The following FBXL7 variants were observed in gnomAD, a reference collection of about 807,000 sequenced individuals.
FBXL7 encodes F-box/LRR-repeat protein 7.
Under a neutral mutation model 38.3 loss-of-function variants are expected in FBXL7, and 12 were observed. That is an observed-to-expected ratio of 0.31 (90% CI 0.20 to 0.51). The LOEUF (loss-of-function observed/expected upper bound fraction) is 0.51. Among genes scored for constraint, FBXL7 ranks in the 20% least tolerant of loss-of-function variants. The pLI is 0.98. For synonymous variants in FBXL7, 297 were observed against 300.9 expected (o/e 0.99, Z 0.13); for missense variants, 567 against 676.4 (o/e 0.84, Z 1.79).
chr5:15,501,589 C>A, intron 1 of FBXL7: 1 of 985,492 alleles, frequency 1.0e-6, no homozygotes, highest in Non-Finnish European at 1.2e-6. Context: ...TTACAGCCCG[C>A]CCCCAGAGGA....
At chr5:15,598,344 A>G (rs1739686181) in intron 1 of FBXL7, among the ~76,000 whole-genome samples, 1 of 152,208 alleles carries the variant, frequency 6.6e-6, no homozygotes, top group Non-Finnish European at 1.5e-5. Context: ...TCAACCTTTC[A>G]TAGAGTCAGT....
intron 2 of FBXL7, among the ~76,000 whole-genome samples, chr5:15,889,444 C>A (rs1193735344): frequency 6.6e-6 from 1 of 152,128 alleles, no homozygotes; most frequent in Non-Finnish European, 1.5e-5. Flanking sequence ...TCCTATTGAA[C>A]CAAAGTGGGA....
intron 2 of FBXL7, among the ~76,000 whole-genome samples, chr5:15,874,753 G>A (rs553018760): frequency 6.6e-6 from 1 of 152,282 alleles, no homozygotes; most frequent in East Asian, 1.9e-4. Context: ...ACTGCTCAAG[G>A]AAATCAGAGA....
intron 2 of FBXL7, among the ~76,000 whole-genome samples, chr5:15,769,414 C>G (rs1561119865): frequency 6.6e-6 from 1 of 152,156 alleles, no homozygotes; most frequent in African/African-American, 2.4e-5. Flanking sequence ...ATGGAGAAAT[C>G]CTTCACTAAT....
At chr5:15,618,886 G>A (rs1481209358) in intron 2 of FBXL7, among the ~76,000 whole-genome samples, 5 of 152,258 alleles carry the variant, frequency 3.3e-5, no homozygotes, top group African/African-American at 9.6e-5. Context: ...AAAAGAAACC[G>A]AGGCAAGTTT....
At chr5:15,740,680 C>T (rs1438516453) in intron 2 of FBXL7, among the ~76,000 whole-genome samples, 2 of 151,976 alleles carry the variant, frequency 1.3e-5, no homozygotes, top group Non-Finnish European at 2.9e-5. Flanking sequence ...CCCTTAAATC[C>T]TTACCTTTTT....
rs556413889 is a variant in FBXL7, at chr5:15,636,275, A to G, written c.127+20203A>G. 2.6e-5 allele frequency among the ~76,000 whole-genome samples: 4 copies of G among 151,806 alleles called. No homozygotes were observed. The East Asian group carries it at 5.8e-4, about 22-fold the overall frequency. ...TCTGTGTCTCCCTTGTGTGCCCTCAACTCTCCTCATCTACAGCTGCATGTG... is the reference window on the plus strand; with the variant it reads ...TCTGTGTCTCCCTTGTGTGCCCTCAGCTCTCCTCATCTACAGCTGCATGTG... On this transcript the variant is annotated intron_variant, in intron 2 of 3. Coordinates refer to ENST00000504595, the MANE Select transcript of FBXL7 (RefSeq NM_012304.5).
chr5:15,876,297 T>C (rs930810171), intron 2 of FBXL7, among the ~76,000 whole-genome samples: 1 of 152,036 alleles, frequency 6.6e-6, no homozygotes, highest in Non-Finnish European at 1.5e-5. Context: ...ATACCTAATG[T>C]AGATGACGGG....
chr5:15,883,320 A>T (rs2126342791), intron 2 of FBXL7, among the ~76,000 whole-genome samples: 1 of 152,124 alleles, frequency 6.6e-6, no homozygotes, highest in South Asian at 2.1e-4. Context: ...TTTTTCTTTA[A>T]TTTTTGTTTT....
At chr5:15,887,193 A>G (rs1053031850) in intron 2 of FBXL7, among the ~76,000 whole-genome samples, 4 of 152,122 alleles carry the variant, frequency 2.6e-5, no homozygotes, top group Admixed American at 6.5e-5. Flanking sequence ...AAGACCACCA[A>G]TTGTTCTGTT....
chr5:15,792,456 C>T (rs987553760), intron 2 of FBXL7, among the ~76,000 whole-genome samples: 2 of 152,150 alleles, frequency 1.3e-5, no homozygotes, highest in African/African-American at 2.4e-5. Flanking sequence ...CGTTTGAAAG[C>T]TCAATGTCTG....
intron 1 of FBXL7, among the ~76,000 whole-genome samples, chr5:15,568,713 A>G (rs1738670663): frequency 6.6e-6 from 1 of 151,418 alleles, no homozygotes; most frequent in Non-Finnish European, 1.5e-5. Flanking sequence ...TAGGGTTTTT[A>G]TGGTTTCAGG....
At chr5:15,642,666 A>G (rs565140463) in intron 2 of FBXL7, among the ~76,000 whole-genome samples, 1 of 152,250 alleles carries the variant, frequency 6.6e-6, no homozygotes, top group South Asian at 2.1e-4. Flanking sequence ...AACTAGGCTA[A>G]CCTTTGTACT....
Position 15,568,519 on chromosome 5 carries a change from T to A in FBXL7, c.38-47464T>A, listed in dbSNP as rs1393545876. On this transcript the variant is annotated intron_variant, in intron 1 of 3. Coordinates refer to ENST00000504595, the MANE Select transcript of FBXL7 (RefSeq NM_012304.5). ...TTGTCAGATGAGTAGATTGCAAAAA[T>A]TTTCTCCCATTTTGTAGGTTGCCTG... Among the ~76,000 whole-genome samples, 21 of 151,936 alleles carry A rather than the reference T, an allele frequency of 1.4e-4. No individual in the cohort carries two copies. In the South Asian group the frequency reaches 4.2e-3, roughly 30 times the overall value.
At chr5:15,915,537 T>G (rs184651899) in intron 2 of FBXL7, among the ~76,000 whole-genome samples, 1 of 152,332 alleles carries the variant, frequency 6.6e-6, no homozygotes, top group East Asian at 1.9e-4. Flanking sequence ...CATATTGGAT[T>G]AAGAGTCTAC....
At chr5:15,834,643 C>G (rs1738541606) in intron 2 of FBXL7, among the ~76,000 whole-genome samples, 1 of 152,200 alleles carries the variant, frequency 6.6e-6, no homozygotes, top group Non-Finnish European at 1.5e-5. Context: ...AAATGCACAT[C>G]TTTCTGATTA....
At chr5:15,733,831 G>T (rs77707016) in intron 2 of FBXL7, among the ~76,000 whole-genome samples, 1 of 151,968 alleles carries the variant, frequency 6.6e-6, no homozygotes, top group African/African-American at 2.4e-5. Context: ...GTTAATGGCC[G>T]GGTGCAGTGG....
At chr5:15,562,149 A>G (rs1350607473) in intron 1 of FBXL7, among the ~76,000 whole-genome samples, 1 of 152,148 alleles carries the variant, frequency 6.6e-6, no homozygotes, top group Non-Finnish European at 1.5e-5. Context: ...AGATGTGAAA[A>G]TGTAACATTC....
chr5:15,869,346 A>G (rs746104020), intron 2 of FBXL7, among the ~76,000 whole-genome samples: 1 of 152,106 alleles, frequency 6.6e-6, no homozygotes, highest in African/African-American at 2.4e-5. Context: ...CTACCACATC[A>G]TGCTCCCCAG....
Sources: allele counts gnomAD v4.1 joint callset (sites outside exome capture counted in the v4.1 genomes callset), GRCh38; gene constraint gnomAD v4.1.1; transcripts MANE v1.5; gene names NCBI Gene and HGNC (gene_info 2026-07-23, HGNC 2026-07-21).